The following FUT8 variants were observed in gnomAD, a reference collection of about 807,000 sequenced individuals.
FUT8 encodes fucosyltransferase 8.
A neutral mutation model predicts 71.3 loss-of-function variants in FUT8; 29 were observed. The ratio of observed to expected loss-of-function variants is 0.41; its 90% CI spans 0.30 to 0.55. The LOEUF is 0.55. Among genes scored for constraint, FUT8 ranks in the 20% least tolerant of loss-of-function variants. FUT8 has a pLI of 0.34. For missense variants in FUT8, 544 were observed against 702.1 expected (o/e 0.77, Z 2.55); for synonymous variants, 254 against 239.3 (o/e 1.06, Z -0.57).
intron 10 of FUT8, among the ~76,000 whole-genome samples, chr14:65,740,098 T>G (rs1358025803): frequency 6.6e-6 from 1 of 152,034 alleles, no homozygotes; most frequent in African/African-American, 2.4e-5. Context: ...AATTTGAAAT[T>G]CAAAAGTTCC....
chr14:65,708,702 C>T (rs943184251), intron 7 of FUT8, among the ~76,000 whole-genome samples: 1 of 151,698 alleles, frequency 6.6e-6, no homozygotes, highest in East Asian at 1.9e-4. Context: ...TGCAACTTTA[C>T]TGAATTTGTT....
chr14:65,621,413 C>A (rs967532798), intron 5 of FUT8, among the ~76,000 whole-genome samples: 1 of 151,786 alleles, frequency 6.6e-6, no homozygotes, highest in Non-Finnish European at 1.5e-5. Context: ...CCATGCCCAG[C>A]TGATTTTTGT....
At chr14:65,724,362 C>T in intron 9 of FUT8, 39 bp downstream of exon 9, 1 of 1,287,586 alleles carries the variant, frequency 7.8e-7, no homozygotes, top group Non-Finnish European at 1.1e-6. Flanking sequence ...GTGGGGTTGT[C>T]TCTTTCAGTT....
intron 2 of FUT8, among the ~76,000 whole-genome samples, chr14:65,516,795 A>G (rs1317709215): frequency 6.6e-6 from 1 of 152,028 alleles, no homozygotes; most frequent in Non-Finnish European, 1.5e-5. Flanking sequence ...GTTCATTGTT[A>G]TGCAACCATC....
intron 7 of FUT8, among the ~76,000 whole-genome samples, chr14:65,694,896 G>T (rs1893907376): frequency 8.5e-6 from 1 of 117,438 alleles, no homozygotes; most frequent in Admixed American, 1.0e-4. Context: ...ACTGTTGTGG[G>T]GTGGGGGGAG....
chr14:65,430,990 A>ATTTTT (rs5809273), intron 1 of FUT8, among the ~76,000 whole-genome samples: 4 of 127,022 alleles, frequency 3.1e-5, no homozygotes, highest in Non-Finnish European at 5.0e-5. Flanking sequence ...TTTTCTACTA[A>ATTTTT]TTTTTTTTTT....
At chr14:65,496,106 A>G (rs1389774654) in intron 2 of FUT8, among the ~76,000 whole-genome samples, 3 of 152,128 alleles carry the variant, frequency 2.0e-5, no homozygotes, top group Non-Finnish European at 4.4e-5. Flanking sequence ...AGGGGAGGAA[A>G]TAAGTCTCTT....
chr14:65,386,191 C>T, the FUT8 span, among the ~76,000 whole-genome samples: 1 of 151,498 alleles, frequency 6.6e-6, no homozygotes, highest in Non-Finnish European at 1.5e-5. Context: ...CCTGTAGTCC[C>T]AGCTACTCAG....
At chr14:65,523,808 C>T (rs1883253324) in intron 2 of FUT8, among the ~76,000 whole-genome samples, 1 of 152,162 alleles carries the variant, frequency 6.6e-6, no homozygotes, top group Non-Finnish European at 1.5e-5. Context: ...CCAGTTTTCC[C>T]AGCACCATTT....
chr14:65,671,880 T>C (rs1349935249), intron 7 of FUT8, among the ~76,000 whole-genome samples: 3 of 152,188 alleles, frequency 2.0e-5, no homozygotes, highest in Non-Finnish European at 4.4e-5. Context: ...TTTAATTCTT[T>C]AGTTAGTCAT....
intron 6 of FUT8, among the ~76,000 whole-genome samples, chr14:65,640,708 G>T (rs1262590422): frequency 6.6e-6 from 1 of 152,036 alleles, no homozygotes; most frequent in Non-Finnish European, 1.5e-5. Flanking sequence ...AAATAAATGA[G>T]TTAATGAGTA....
chr14:65,588,433 GCT>G (rs1173125687), intron 3 of FUT8, among the ~76,000 whole-genome samples: 1 of 151,976 alleles, frequency 6.6e-6, no homozygotes, highest in African/African-American at 2.4e-5. Flanking sequence ...CCAAATTATC[GCT>G]GTTATTACAT....
At chr14:65,448,260 G>C (rs2065771571) in intron 1 of FUT8, among the ~76,000 whole-genome samples, 2 of 152,224 alleles carry the variant, frequency 1.3e-5, no homozygotes, top group East Asian at 1.9e-4. Context: ...ATGCAGGCAG[G>C]GGGTGATGAA....
chr14:65,456,246 T>A (rs1328280066), intron 2 of FUT8, among the ~76,000 whole-genome samples: 2 of 152,234 alleles, frequency 1.3e-5, no homozygotes, highest in Admixed American at 6.5e-5. Context: ...AGTTAACCTC[T>A]CCTTATACCT....
chr14:65,729,444 A>G (rs78659153), intron 9 of FUT8, among the ~76,000 whole-genome samples: 3,572 of 152,132 alleles, frequency 0.023, 63 homozygotes, highest in Non-Finnish European at 0.032. Flanking sequence ...AAGTAATGCT[A>G]TGACGTATGC....
At position 65,550,670 on chromosome 14, in the gene FUT8, T is replaced by C. The variant is rs1456130766; in HGVS notation, c.-227-10667T>C. Among the ~76,000 whole-genome samples, 1 of 152,326 alleles carries C rather than the reference T, an allele frequency of 6.6e-6. No individual in the cohort carries two copies. The highest frequency in any genetic ancestry group is 1.9e-4 in the East Asian group (1 of 5,184). ...TTCTTTTTTCAACATTTTCATTTTT[T>C]CTTTTAAATCCTAGCACATATTTCG... On this transcript the variant is annotated intron_variant, in intron 2 of 10. Transcript: ENST00000673929. The surrounding 1 kb of genome is among the most constrained non-coding windows in gnomAD (Gnocchi z 4.5).
In FUT8 at chr14:65,561,458, G is replaced by A. The variant is rs1885909051; in HGVS notation, c.-106G>A. 9.9e-7 allele frequency: 1 copy of A among 1,015,164 alleles called. No individual in the cohort carries two copies. The highest frequency in any genetic ancestry group is 2.0e-5 in the Admixed American group (1 of 49,124). The allele number at this position is 1,015,164 out of a possible 1,614,324, so 62.9% of individuals were successfully genotyped here. On this transcript the variant is annotated 5_prime_UTR_variant, in exon 3 of 11. It removes the in-frame stop codon of an upstream open reading frame in the 5' UTR. Coordinates refer to ENST00000673929, the MANE Select transcript of FUT8 (RefSeq NM_001371533.1). ...TAATTTGTCTGAAGCATCATGTGTTGAAACAACAGAAGTCTATTCACCTGT... is the reference window on the plus strand; with the variant it reads ...TAATTTGTCTGAAGCATCATGTGTTAAAACAACAGAAGTCTATTCACCTGT...
At chr14:65,516,125 G>T (rs1444729603) in intron 2 of FUT8, 1 of 151,604 alleles carries the variant, frequency 6.6e-6, no homozygotes, top group African/African-American at 2.4e-5. Flanking sequence ...TGTTGTGCTT[G>T]TGAATAACCA....
chr14:65,393,079 G>T, the FUT8 span, among the ~76,000 whole-genome samples: 5 of 152,150 alleles, frequency 3.3e-5, no homozygotes, highest in African/African-American at 9.7e-5. Context: ...GTGATAAGGT[G>T]GGTGCTACTG....
Sources: allele counts gnomAD v4.1 joint callset (sites outside exome capture counted in the v4.1 genomes callset), GRCh38; gene constraint gnomAD v4.1.1; non-coding constraint Gnocchi (gnomAD v3.1); transcripts MANE v1.5; gene names NCBI Gene and HGNC (gene_info 2026-07-23, HGNC 2026-07-21).